Variants in DIP2C observed in about 807,000 individuals in gnomAD.
The protein encoded by DIP2C is DIP2 acetate--CoA ligase C (putative), also known as disco-interacting protein 2 homolog C.
In DIP2C, 33 loss-of-function variants were observed where a neutral mutation model predicts 192.4. The observed-to-expected ratio is 0.17, with a 90% CI of 0.13 to 0.23. The LOEUF (loss-of-function observed/expected upper bound fraction) is 0.23, where lower values mean the gene tolerates loss of function less well. DIP2C is among the 10% of genes least tolerant of loss of function. The pLI, the probability that DIP2C is intolerant of heterozygous loss-of-function variation, is 1.00. For synonymous variants in DIP2C, 979 were observed against 864.1 expected (o/e 1.13, Z -2.33); for missense variants, 1,537 against 2,110.1 (o/e 0.73, Z 5.32).
chr10:535,654 A>G (rs939494449), intron 1 of DIP2C, among the ~76,000 whole-genome samples: 5 of 152,106 alleles, frequency 3.3e-5, no homozygotes, highest in Non-Finnish European at 5.9e-5. Context: ...TTGTCCATTT[A>G]TATTACCATC....
intron 1 of DIP2C, among the ~76,000 whole-genome samples, chr10:539,924 A>G (rs981323054): frequency 1.9e-4 from 29 of 152,242 alleles, no homozygotes; most frequent in Admixed American, 1.7e-3. Flanking sequence ...ACAAACCCCT[A>G]AATATGAAAA....
intron 1 of DIP2C, among the ~76,000 whole-genome samples, chr10:509,617 C>T (rs149898041): frequency 4.1e-4 from 62 of 152,270 alleles, no homozygotes; most frequent in African/African-American, 1.2e-3. Flanking sequence ...CCAGGAGATC[C>T]GGGTGGTAGG....
intron 1 of DIP2C, among the ~76,000 whole-genome samples, chr10:556,868 T>C (rs1247284815): frequency 6.6e-6 from 1 of 152,224 alleles, no homozygotes; most frequent in Admixed American, 6.5e-5. Context: ...TCTGTGCACC[T>C]GAGTCCTTCG....
rs143577564 is a variant in DIP2C, at chr10:425,452, C to T, written c.395-2419G>A. On this transcript the variant is annotated intron_variant, in intron 4 of 36. Coordinates refer to ENST00000280886, the MANE Select transcript of DIP2C (RefSeq NM_014974.3). ...AGTGACTAATATGACACGGATGATA[C>T]AGCATGACCAGTGGTGACTAATGTG... is the stretch of plus-strand genomic sequence containing the variant. Among the ~76,000 whole-genome samples, 639 of 151,134 alleles carry T rather than the reference C, an allele frequency of 4.2e-3. 4 individuals are homozygous for T. Among genetic ancestry groups the T allele is most frequent in the Non-Finnish European group, 4.5e-3 (304 of 67,824 alleles).
intron 1 of DIP2C, among the ~76,000 whole-genome samples, chr10:623,899 A>G (rs1477391040): frequency 2.6e-5 from 4 of 152,212 alleles, no homozygotes; most frequent in Non-Finnish European, 5.9e-5. Flanking sequence ...AAAGAGGCGG[A>G]CAGACTTGGC....
chr10:363,295 C>T lies in DIP2C; in HGVS notation c.2494G>A (p.Val832Met). 6.2e-7 allele frequency: 1 copy of T among 1,611,788 alleles called. No homozygotes were observed. Among genetic ancestry groups the T allele is most frequent in the Middle Eastern group, 1.6e-4 (1 of 6,062 alleles). Reference sequence around the variant, plus strand: ...ATCCTCTCGTCGTGCAGCACGGTCACCGAGAACACGGCTATCCTGCGGGGA... The same window carrying T: ...ATCCTCTCGTCGTGCAGCACGGTCATCGAGAACACGGCTATCCTGCGGGGA... ...VYRGRIAVFS[V>M]TVLHDERIVI... Residue 832 changes from valine (V) to methionine (M), a missense_variant, in exon 21 of 37, where the codon GTG becomes ATG. This residue lies in a region of DIP2C where 677 missense variants were observed against 989.9 expected (regional missense o/e 0.68). Transcript: ENST00000280886. This position sits in a 1 kb window ranked among gnomAD's most constrained non-coding sequence, Gnocchi z 5.4.
chr10:382,243 A>G (rs944298713), intron 17 of DIP2C, among the ~76,000 whole-genome samples: 1 of 152,236 alleles, frequency 6.6e-6, no homozygotes, highest in African/African-American at 2.4e-5. Flanking sequence ...ATATACCAGT[A>G]AATCCCACAG....
At chr10:406,934 G>T (rs1343089713) in intron 9 of DIP2C, among the ~76,000 whole-genome samples, 3 of 152,066 alleles carry the variant, frequency 2.0e-5, no homozygotes, top group Non-Finnish European at 2.9e-5. Flanking sequence ...CCCAGGAACA[G>T]AAGACAGCAG....
intron 1 of DIP2C, among the ~76,000 whole-genome samples, chr10:522,138 C>T (rs1017026710): frequency 6.6e-6 from 1 of 151,988 alleles, no homozygotes; most frequent in African/African-American, 2.4e-5. Flanking sequence ...ACTGTCTCTG[C>T]AGTTGTGCCT....
At chr10:497,372 AG>A (rs1820732155) in intron 1 of DIP2C, among the ~76,000 whole-genome samples, 2 of 152,194 alleles carry the variant, frequency 1.3e-5, no homozygotes, top group Admixed American at 6.5e-5. Context: ...TTCAGCAGGC[AG>A]GGGAAGGAAT....
At chr10:417,462 T>C (rs867678517) in intron 6 of DIP2C, among the ~76,000 whole-genome samples, 4 of 152,186 alleles carry the variant, frequency 2.6e-5, no homozygotes, top group African/African-American at 9.7e-5. Flanking sequence ...AAGCAAATAA[T>C]GACACCAAAA....
At chr10:477,860 G>T (rs550413043) in intron 2 of DIP2C, among the ~76,000 whole-genome samples, 1 of 129,364 alleles carries the variant, frequency 7.7e-6, no homozygotes, top group African/African-American at 3.0e-5. Context: ...GAGAAGTGAA[G>T]GAAGCAGAGA....
At chr10:533,343 T>C (rs1237377402) in intron 1 of DIP2C, among the ~76,000 whole-genome samples, 1 of 152,088 alleles carries the variant, frequency 6.6e-6, no homozygotes, top group Non-Finnish European at 1.5e-5. Context: ...AGCCACCAGA[T>C]TCCACAGGCA....
intron 36 of DIP2C, among the ~76,000 whole-genome samples, chr10:280,293 T>C (rs1478303375): frequency 6.6e-6 from 1 of 152,150 alleles, no homozygotes; most frequent in East Asian, 1.9e-4. Flanking sequence ...TCAGAACCCA[T>C]CCTTTCAACC....
At chr10:657,109 C>CTGGA (rs1295983333) in intron 1 of DIP2C, among the ~76,000 whole-genome samples, 27 of 150,802 alleles carry the variant, frequency 1.8e-4, no homozygotes, top group East Asian at 1.6e-3. Context: ...GGACCTGCCC[C>CTGGA]CGGACCTGCC....
At chr10:354,081 A>T (rs910292290) in intron 24 of DIP2C, among the ~76,000 whole-genome samples, 1 of 152,154 alleles carries the variant, frequency 6.6e-6, no homozygotes, top group Non-Finnish European at 1.5e-5. Flanking sequence ...TTGGCGCAAA[A>T]TAACACAAGC....
intron 1 of DIP2C, among the ~76,000 whole-genome samples, chr10:605,340 T>G (rs1188800729): frequency 6.6e-6 from 1 of 152,230 alleles, no homozygotes; most frequent in African/African-American, 2.4e-5. Context: ...TTCATACAGA[T>G]TCCAGATTCA....
intron 1 of DIP2C, among the ~76,000 whole-genome samples, chr10:544,000 C>T (rs1209224058): frequency 6.6e-6 from 1 of 152,276 alleles, no homozygotes; most frequent in Non-Finnish European, 1.5e-5. Context: ...TGAGTGGGCA[C>T]ATAGTGCGTG....
intron 1 of DIP2C, among the ~76,000 whole-genome samples, chr10:673,868 G>C (rs1033181385): frequency 1.3e-5 from 2 of 152,190 alleles, no homozygotes; most frequent in African/African-American, 4.8e-5. Flanking sequence ...AGGCATGAAA[G>C]GAAACTTTTA....
Sources: allele counts gnomAD v4.1 joint callset (sites outside exome capture counted in the v4.1 genomes callset), GRCh38; gene constraint gnomAD v4.1.1; regional missense constraint gnomAD v4.1.1; non-coding constraint Gnocchi (gnomAD v3.1); transcripts MANE v1.5; gene names NCBI Gene and HGNC (gene_info 2026-07-23, HGNC 2026-07-21).